The following SUSD5 variants were observed in gnomAD, a reference collection of about 807,000 sequenced individuals.
SUSD5 encodes the protein sushi domain containing 5.
A neutral mutation model predicts 29.5 loss-of-function variants in SUSD5; 33 were observed. That is an observed-to-expected ratio of 1.12 (90% confidence interval 0.85 to 1.49). The LOEUF (loss-of-function observed/expected upper bound fraction) is 1.49. Among genes scored for constraint, SUSD5 ranks in the 40% most tolerant of loss-of-function variants. The pLI, the probability that SUSD5 is intolerant of heterozygous loss-of-function variation, is 0.00. For synonymous variants in SUSD5, 308 were observed against 325.3 expected, an observed-to-expected ratio of 0.95 and a Z score of 0.57; for missense variants, 776 against 800.6, an observed-to-expected ratio of 0.97 and a Z score of 0.37.
intron 3 of SUSD5, among the ~76,000 whole-genome samples, chr3:33,186,135 C>A (rs2031772732): frequency 6.6e-6 from 1 of 151,944 alleles, no homozygotes. Context: ...AACCCTGTCT[C>A]TACTAAAATA....
intron 3 of SUSD5, among the ~76,000 whole-genome samples, chr3:33,201,543 G>A (rs186300668): frequency 1.4e-4 from 22 of 152,320 alleles, no homozygotes; most frequent in African/African-American, 5.1e-4. Context: ...CTGGCTGCTG[G>A]TGTATCAGGA....
At chr3:33,213,857 T>C in intron 2 of SUSD5, 71 bp downstream of exon 2, 1 of 1,474,526 alleles carries the variant, frequency 6.8e-7, no homozygotes, top group Non-Finnish European at 9.1e-7. Flanking sequence ...AACAGAACAA[T>C]TACTGAGTCC....
At chr3:33,209,035 A>G (rs1300466665) in intron 2 of SUSD5, among the ~76,000 whole-genome samples, 1 of 152,160 alleles carries the variant, frequency 6.6e-6, no homozygotes, top group Non-Finnish European at 1.5e-5. Flanking sequence ...TGTCTGTCTG[A>G]AAACGTCTTT....
rs917395602 is a variant in SUSD5 at position 33,167,096 on chromosome 3, T to C, written c.598+7790A>G. Among the ~76,000 whole-genome samples, 18 of 151,880 alleles carry C rather than the reference T, an allele frequency of 1.2e-4. No individual in the cohort carries two copies. The highest frequency in any genetic ancestry group is 1.1e-3 in the Admixed American group (16 of 15,236). On this transcript the variant is annotated intron_variant, in intron 4 of 4. Transcript: ENST00000309558. This position sits in a 1 kb window ranked among gnomAD's most constrained non-coding sequence, Gnocchi z 4.1. Reference sequence around the variant, plus strand: ...CAGGACGCTGAGGCAGAAGAACAGCTTGAACCCGGGAGGCGGAGGGTGCAG... The same window carrying C: ...CAGGACGCTGAGGCAGAAGAACAGCCTGAACCCGGGAGGCGGAGGGTGCAG...
chr3:33,195,756 A>AAC (rs1256904325), intron 3 of SUSD5, among the ~76,000 whole-genome samples: 1 of 151,682 alleles, frequency 6.6e-6, no homozygotes, highest in African/African-American at 2.4e-5. Context: ...AAAAAAAAAA[A>AAC]ACAGAATGCA....
rs77817476 is a variant in SUSD5 at position 33,164,556 on chromosome 3, T to C, written c.598+10330A>G. Among the ~76,000 whole-genome samples the C allele has an allele frequency of 7.7e-3, 1,167 of 152,266 alleles. 37 individuals carry two copies. Among genetic ancestry groups the C allele is most frequent in the East Asian group, 0.058 (301 of 5,190 alleles). On this transcript the variant is annotated intron_variant, in intron 4 of 4. Transcript: ENST00000309558. Reference sequence around the variant, plus strand: ...TAAGTTATACTACATTAAAATTCTATTTATGAAGGATACTATGAAGAACAT... The same window carrying C: ...TAAGTTATACTACATTAAAATTCTACTTATGAAGGATACTATGAAGAACAT...
Position 33,153,751 on chromosome 3 carries a change from A to G in SUSD5, c.881T>C (p.Phe294Ser), listed in dbSNP as rs749039059. 4 of 1,614,076 alleles carry G rather than the reference A, an allele frequency of 2.5e-6. No homozygotes were observed. Among genetic ancestry groups the G allele is most frequent in the Non-Finnish European group, 3.4e-6 (4 of 1,179,904 alleles). The change falls in exon 5 of 5, where the codon TTC (phenylalanine) becomes TCC (serine). Residue 294 changes from phenylalanine to serine, a missense_variant. Phe to Ser is a radical substitution (Grantham distance 155). Transcript: ENST00000309558. ...GTGGAAAGCCTCAGCAGGAAACCAG[A>G]ACAAGTGCTTCTGGAGCAGCCGTGA... is the stretch of plus-strand genomic sequence containing the variant. ...PGSRLLQKHLFWFPAEAFHKP... is the reference protein window; with the variant it reads ...PGSRLLQKHLSWFPAEAFHKP...
chr3:33,163,344 T>TTTAATATATTAAGTATATATTAAAAG (rs2031233341), intron 4 of SUSD5, among the ~76,000 whole-genome samples: 3 of 152,116 alleles, frequency 2.0e-5, no homozygotes, highest in African/African-American at 4.8e-5. Flanking sequence ...TGGGTTAAGC[T>TTTAATATATTAAGTATATATTAAAAG]TTAATATATT....
chr3:33,166,688 G>GAATA (rs746553359), intron 4 of SUSD5, among the ~76,000 whole-genome samples: 17 of 152,108 alleles, frequency 1.1e-4, no homozygotes, highest in Non-Finnish European at 1.9e-4. Flanking sequence ...AATGTTTGCT[G>GAATA]AATAAATAAA....
chr3:33,189,777 T>C (rs2031854467), intron 3 of SUSD5, among the ~76,000 whole-genome samples: 1 of 152,204 alleles, frequency 6.6e-6, no homozygotes, highest in South Asian at 2.1e-4. Flanking sequence ...ATTGCTAGCT[T>C]ATCTTCAGCC....
intron 4 of SUSD5, among the ~76,000 whole-genome samples, chr3:33,160,809 CAGAAG>C (rs1181559375): frequency 1.3e-5 from 2 of 150,844 alleles, no homozygotes; most frequent in African/African-American, 4.9e-5. Context: ...AAAAAAAAGA[CAGAAG>C]AGACATATTC....
chr3:33,194,325 A>G (rs1369886220), intron 3 of SUSD5, among the ~76,000 whole-genome samples: 6 of 152,186 alleles, frequency 3.9e-5, no homozygotes, highest in African/African-American at 1.2e-4. Flanking sequence ...AGCTGGCTCT[A>G]CGGGTATTAA....
intron 3 of SUSD5, among the ~76,000 whole-genome samples, chr3:33,206,578 T>C (rs977410553): frequency 4.6e-5 from 7 of 151,976 alleles, no homozygotes; most frequent in Non-Finnish European, 7.4e-5. Context: ...CATCCTTCCA[T>C]AGAAAGCAGC....
At chr3:33,208,387 A>T (rs910654879) in intron 2 of SUSD5, among the ~76,000 whole-genome samples, 1 of 152,128 alleles carries the variant, frequency 6.6e-6, no homozygotes, top group African/African-American at 2.4e-5. Flanking sequence ...TAAATATATG[A>T]TAATTTCCAT....
intron 4 of SUSD5, among the ~76,000 whole-genome samples, chr3:33,159,650 A>G (rs112334849): frequency 1.6e-4 from 24 of 152,156 alleles, no homozygotes; most frequent in Non-Finnish European, 2.6e-4. Flanking sequence ...ACTGTATCGT[A>G]TATTTTTCCC....
intron 1 of SUSD5, among the ~76,000 whole-genome samples, chr3:33,216,454 A>C (rs2125635288): frequency 6.6e-6 from 1 of 152,302 alleles, no homozygotes. Context: ...CAACTTTACA[A>C]TTTGGTTTAG....
intron 4 of SUSD5, among the ~76,000 whole-genome samples, chr3:33,173,288 G>A (rs546601306): frequency 1.3e-5 from 2 of 152,336 alleles, no homozygotes; most frequent in South Asian, 4.1e-4. Context: ...AGCAGACTGG[G>A]CAAATACTTT....
At chr3:33,182,299 T>G (rs1232860451) in intron 3 of SUSD5, among the ~76,000 whole-genome samples, 3 of 152,230 alleles carry the variant, frequency 2.0e-5, no homozygotes, top group South Asian at 2.1e-4. Flanking sequence ...GACATCATAT[T>G]CCTATTCTTT....
intron 4 of SUSD5, among the ~76,000 whole-genome samples, chr3:33,165,870 C>T (rs903567491): frequency 1.3e-5 from 2 of 152,180 alleles, no homozygotes; most frequent in African/African-American, 4.8e-5. Flanking sequence ...TGCCCAGGTG[C>T]AGTGGCTCAT....
Sources: allele counts gnomAD v4.1 joint callset (sites outside exome capture counted in the v4.1 genomes callset), GRCh38; gene constraint gnomAD v4.1.1; non-coding constraint Gnocchi (gnomAD v3.1); transcripts MANE v1.5; gene names NCBI Gene and HGNC (gene_info 2026-07-23, HGNC 2026-07-21).